Variants in CLK2 observed in about 807,000 individuals in gnomAD.
CLK2 encodes the protein CDC like kinase 2.
CLK2 carries 12 observed loss-of-function variants against 73.5 expected under a neutral mutation model. The ratio of observed to expected loss-of-function variants is 0.16; its 90% CI spans 0.10 to 0.26. CLK2 has a LOEUF of 0.26. Ranked by LOEUF, CLK2 falls within the 10% of genes least tolerant of loss-of-function variation. The pLI, the probability that CLK2 is intolerant of heterozygous loss-of-function variation, is 1.00. For missense variants in CLK2, 509 were observed against 688.4 expected (o/e 0.74, Z 2.92); for synonymous variants, 232 against 237.9 (o/e 0.98, Z 0.23).
rs1401321012 is a variant in CLK2 at position 155,268,017 on chromosome 1, T to C, written c.664A>G (p.Asn222Asp). 6.2e-7 allele frequency: 1 copy of C among 1,611,898 alleles called. No homozygotes were observed. The highest frequency in any genetic ancestry group is 8.5e-7 in the Non-Finnish European group (1 of 1,178,180). The stretch of plus-strand genomic sequence containing the variant: ...ACTTCCTTGCTTGCTTACTTCTTGT[T>C]GTCAGGGTCTTTCTCATTGATTTTC... ...LEKINEKDPD[N>D]KNLCVQMFDW... The change falls in exon 6 of 13, where the codon AAC becomes GAC. Residue 222 changes from asparagine to aspartate, a missense_variant. Physicochemically the swap from Asn to Asp is conservative, Grantham distance 23. Around this residue, in one of 6 missense-constraint regions of CLK2, gnomAD observed 76 missense variants for 126.4 expected, o/e 0.60. Transcript: ENST00000368361. This position sits in a 1 kb window ranked among gnomAD's most constrained non-coding sequence, Gnocchi z 5.6.
At position 155,263,846 on chromosome 1, in the gene CLK2, C is replaced by G; in HGVS notation, c.1317+104G>C. On this transcript the variant is annotated intron_variant, in intron 12 of 12. Coordinates refer to ENST00000368361, the MANE Select transcript of CLK2 (RefSeq NM_001294338.2). ...GTCTTCTTTCAGCTTTCCTCCCCTC[C>G]TTTCCTAACCCTCTGCTTGTGAAGA... The G allele has an allele frequency of 5.1e-6, 7 of 1,377,818 alleles. No homozygotes were observed. In the South Asian group the frequency reaches 9.1e-5, roughly 18 times the overall value. 85.3% of individuals were successfully genotyped at this position (1,377,818 alleles called of 1,614,324 possible). A position where few individuals can be genotyped will look rare whatever the true frequency, so the allele number is the denominator to read the frequency against.
intron 1 of CLK2, among the ~76,000 whole-genome samples, chr1:155,272,306 G>A (rs1232218037): frequency 6.6e-6 from 1 of 152,164 alleles, no homozygotes; most frequent in African/African-American, 2.4e-5. Flanking sequence ...GTGAGCCACC[G>A]CGCCTGGCCA....
chr1:155,272,990 T>C (rs1419255619), intron 1 of CLK2, among the ~76,000 whole-genome samples: 1 of 152,118 alleles, frequency 6.6e-6, no homozygotes, highest in African/African-American at 2.4e-5. Context: ...TCCCTTCTAG[T>C]CTGGTTCCGC....
At position 155,264,674 on chromosome 1, in the gene CLK2, C is replaced by T; in HGVS notation, c.1034G>A (p.Arg345His). ...HEHHSTIVST[R>H]HYRAPEVILE... ...GATGACTTCTGGTGCTCGGTAATGG[C>T]GAGTGGAGACAATGGTGCTATGGTG... The change falls in exon 9 of 13, where the codon CGC becomes CAC. Residue 345 changes from arginine (R) to histidine (H), a missense_variant. Coordinates refer to ENST00000368361, the MANE Select transcript of CLK2 (RefSeq NM_001294338.2). 1 of 1,614,176 alleles carries T rather than the reference C, an allele frequency of 6.2e-7. No homozygotes were observed. The highest frequency in any genetic ancestry group is 8.5e-7 in the Non-Finnish European group (1 of 1,180,028).
Position 155,270,856 on chromosome 1 carries a change from C to T in CLK2, c.122G>A (p.Arg41Gln), listed in dbSNP as rs563407962. The T allele has an allele frequency of 3.1e-6, 5 of 1,613,932 alleles. No homozygotes were observed. Among genetic ancestry groups the T allele is most frequent in the East Asian group, 4.5e-5 (2 of 44,868 alleles). Residue 41 changes from arginine to glutamine, a missense_variant, in exon 2 of 13, where the codon CGG becomes CAG. This residue lies in a region of CLK2 where 222 missense variants were observed against 221.7 expected (regional missense o/e 1.00). Coordinates refer to ENST00000368361, the MANE Select transcript of CLK2 (RefSeq NM_001294338.2). ...GTCCTCTCGCCGACGCCGTCGTGTC[C>T]GGTCACTACTACTTGACCAGGAGCG... ...RSRSWSSSSD[R>Q]TRRRRREDSY...
rs1673320398 is a variant in CLK2 at position 155,268,140 on chromosome 1, G to A, written c.555-14C>T. ...CGAGCCCCACCCCTGTAAGTTGGCA[G>A]GAGAGGCTTTTGCTGGGTTCTCAAG... On this transcript the variant is annotated splice_polypyrimidine_tract_variant and intron_variant, in intron 5 of 12. Transcript: ENST00000368361. The surrounding 1 kb of genome is among the most constrained non-coding windows in gnomAD (Gnocchi z 5.6). 1 of 1,609,046 alleles carries A rather than the reference G, an allele frequency of 6.2e-7. No homozygotes were observed. The highest frequency in any genetic ancestry group is 1.1e-5 in the South Asian group (1 of 90,974).
Position 155,269,493 on chromosome 1 carries a change from A to G in CLK2, c.394T>C (p.Ser132Pro). ...RRRSRTFSRS[S>P]SQHSSRRAKS... ...GGGCCTGGGCTGGCACTCACCGAAG[A>G]TGAGCGGCTAAATGTCCGGCTGCGC... Residue 132 changes from serine (S) to proline (P), a missense_variant, in exon 3 of 13, where the codon TCT (serine) becomes CCT (proline). By Grantham distance (74) the Ser-to-Pro change is moderately conservative. Coordinates refer to ENST00000368361, the MANE Select transcript of CLK2 (RefSeq NM_001294338.2). 1 of 1,613,734 alleles carries G rather than the reference A, an allele frequency of 6.2e-7. No homozygotes were observed. The highest frequency in any genetic ancestry group is 8.5e-7 in the Non-Finnish European group (1 of 1,180,006).
Position 155,270,903 on chromosome 1 carries a change from T to C in CLK2, c.75A>G (p.Arg25=). Residue 25 remains arginine (R), a synonymous_variant, in exon 2 of 13, where the codon CGA becomes CGG. Transcript: ENST00000368361. ...AGCGACTTCTTCGTCGCTTATGCTT[T>C]CGGCTCCGATAGTGTTCACGGTAAC... The part of the protein sequence containing the change: ...RGSYREHYRS[R]KHKRRRSRSW... 1 of 1,614,216 alleles carries C rather than the reference T, an allele frequency of 6.2e-7. No homozygotes were observed.
intron 8 of CLK2, 119 bp from the exon 9 acceptor site, chr1:155,264,893 G>A: frequency 7.9e-7 from 1 of 1,265,862 alleles, no homozygotes; most frequent in Non-Finnish European, 1.1e-6. Flanking sequence ...GGCCTTACAA[G>A]CCCTGGGAAA....
At chr1:155,266,284 T>C (rs947553302) in intron 7 of CLK2, among the ~76,000 whole-genome samples, 2 of 152,208 alleles carry the variant, frequency 1.3e-5, no homozygotes, top group African/African-American at 4.8e-5. Flanking sequence ...AGAGGAATGA[T>C]ATATTTCTTT....
chr1:155,265,372 G>A (rs1187335025), intron 8 of CLK2, among the ~76,000 whole-genome samples: 2 of 152,094 alleles, frequency 1.3e-5, no homozygotes, highest in African/African-American at 2.4e-5. Context: ...TTCGAGACCA[G>A]CCTGGCCAAC....
Position 155,268,893 on chromosome 1 carries a change from C to T in CLK2, c.400-98G>A. 1.4e-6 allele frequency: 1 copy of T among 729,452 alleles called. No homozygotes were observed. Among genetic ancestry groups the T allele is most frequent in the South Asian group, 1.5e-5 (1 of 67,744 alleles). 45.2% of individuals were successfully genotyped at this position (729,452 alleles called of 1,614,324 possible). A position where few individuals can be genotyped will look rare whatever the true frequency, so the allele number is the denominator to read the frequency against. ...TAGAGGGGTCACCGGTCACAGGCGC[C>T]CAGCCAGGGGGGACAGACGATGATG... On this transcript the variant is annotated intron_variant, in intron 3 of 12. Transcript: ENST00000368361. The surrounding 1 kb of genome is among the most constrained non-coding windows in gnomAD (Gnocchi z 5.6).
At position 155,268,160 on chromosome 1, in the gene CLK2, C is replaced by T; in HGVS notation, c.555-34G>A. 1 of 1,592,654 alleles carries T rather than the reference C, an allele frequency of 6.3e-7. No homozygotes were observed. The highest frequency in any genetic ancestry group is 8.6e-7 in the Non-Finnish European group (1 of 1,160,462). On this transcript the variant is annotated intron_variant, in intron 5 of 12. Transcript: ENST00000368361. This position sits in a 1 kb window ranked among gnomAD's most constrained non-coding sequence, Gnocchi z 5.6. ...TGGCAGGAGAGGCTTTTGCTGGGTT[C>T]TCAAGAATGTCTCAAAATGAACAGG...
At chr1:155,270,581 A>G (rs202132300) in intron 2 of CLK2, among the ~76,000 whole-genome samples, 1 of 60,150 alleles carries the variant, frequency 1.7e-5, no homozygotes, top group Non-Finnish European at 2.7e-5. Flanking sequence ...ATCTGAATTA[A>G]CATCCTGCCC....
At chr1:155,263,624 A>G in intron 12 of CLK2, 1 of 985,190 alleles carries the variant, frequency 1.0e-6, no homozygotes, top group Non-Finnish European at 1.2e-6. Context: ...TTCTACTTGT[A>G]TATCCTTGTC....
intron 2 of CLK2, 58 bp downstream of exon 2, chr1:155,270,750 T>C (rs1388351114): frequency 1.9e-6 from 3 of 1,544,392 alleles, no homozygotes; most frequent in Non-Finnish European, 2.7e-6. Flanking sequence ...TAAGTATTTG[T>C]TGAACAAAGG....
At chr1:155,265,302 C>T (rs1051738881) in intron 8 of CLK2, among the ~76,000 whole-genome samples, 1 of 152,138 alleles carries the variant, frequency 6.6e-6, no homozygotes, top group African/African-American at 2.4e-5. Context: ...CACTGTGGCT[C>T]ACACCCGTAA....
In CLK2 at chr1:155,269,516, C is replaced by G; in HGVS notation, c.371G>C (p.Arg124Pro). The G allele has an allele frequency of 6.2e-7, 1 of 1,613,874 alleles. No individual in the cohort carries two copies. Among genetic ancestry groups the G allele is most frequent in the East Asian group, 2.2e-5 (1 of 44,884 alleles). ...SRRKHRRRRR[R>P]SRTFSRSSSQ... ...AGATGAGCGGCTAAATGTCCGGCTG[C>G]GCCTCCTCCGCCGTCTGTGCTTCCT... The change falls in exon 3 of 13, where the codon CGC (arginine) becomes CCC (proline). Residue 124 changes from arginine to proline, a missense_variant. This residue lies in a region of CLK2 where 222 missense variants were observed against 221.7 expected (regional missense o/e 1.00). Transcript: ENST00000368361.
At position 155,266,883 on chromosome 1, in the gene CLK2, C is replaced by G; in HGVS notation, c.684G>C (p.Gln228His). 1 of 1,613,372 alleles carries G rather than the reference C, an allele frequency of 6.2e-7. No homozygotes were observed. Among genetic ancestry groups the G allele is most frequent in the South Asian group, 1.1e-5 (1 of 90,822 alleles). ...CATGGTAGTCAAACCAGTCAAACAT[C>G]TGGACACAGAGGCTGAGAAGAGAGA... is the stretch of plus-strand genomic sequence containing the variant. ...KDPDNKNLCVQMFDWFDYHGH... is the reference protein window; with the variant it reads ...KDPDNKNLCVHMFDWFDYHGH... Residue 228 changes from glutamine (Q) to histidine (H), a missense_variant, in exon 7 of 13, where the codon CAG (glutamine) becomes CAC (histidine). By Grantham distance (24) the Gln-to-His change is conservative. Around this residue, in one of 6 missense-constraint regions of CLK2, gnomAD observed 76 missense variants for 126.4 expected, o/e 0.60. Coordinates refer to ENST00000368361, the MANE Select transcript of CLK2 (RefSeq NM_001294338.2).
Sources: allele counts gnomAD v4.1 joint callset (sites outside exome capture counted in the v4.1 genomes callset), GRCh38; gene constraint gnomAD v4.1.1; regional missense constraint gnomAD v4.1.1; non-coding constraint Gnocchi (gnomAD v3.1); transcripts MANE v1.5; gene names NCBI Gene and HGNC (gene_info 2026-07-23, HGNC 2026-07-21).